The following LMO7 variants were observed in gnomAD, a reference collection of about 807,000 sequenced individuals.
The protein encoded by LMO7 is LIM domain 7, also known as LIM domain only protein 7.
In LMO7, 120 loss-of-function variants were observed where a neutral mutation model predicts 206.5. That is an observed-to-expected ratio of 0.58 (90% CI 0.50 to 0.68). The LOEUF is 0.68. Among genes scored for constraint, LMO7 ranks in the 30% least tolerant of loss-of-function variants. LMO7 has a pLI of 0.00. For synonymous variants in LMO7, 706 were observed against 681.5 expected (o/e 1.04, Z -0.56); for missense variants, 1,959 against 1,957.9 (o/e 1.00, Z -0.01).
At chr13:75,804,564 T>C (rs766424608) in intron 8 of LMO7, 23 bp downstream of exon 8, 1 of 1,603,872 alleles carries the variant, frequency 6.2e-7, no homozygotes, top group Non-Finnish European at 8.5e-7. Flanking sequence ...GTGTGATTAT[T>C]GAGTTTCGTA....
At chr13:75,768,558 A>G (rs2049203637) in intron 4 of LMO7, among the ~76,000 whole-genome samples, 1 of 152,060 alleles carries the variant, frequency 6.6e-6, no homozygotes, top group South Asian at 2.1e-4. Context: ...TTTCCTTAGA[A>G]AGTTTTATTT....
chr13:75,634,320 C>T (rs2035448685), upstream of LMO7, among the ~76,000 whole-genome samples: 1 of 151,908 alleles, frequency 6.6e-6, no homozygotes, highest in Non-Finnish European at 1.5e-5. Flanking sequence ...TGCCTGTAGT[C>T]GCAGCTACTT....
At chr13:75,702,472 G>A (rs1045581446) in intron 1 of LMO7, among the ~76,000 whole-genome samples, 2 of 152,182 alleles carry the variant, frequency 1.3e-5, no homozygotes, top group African/African-American at 2.4e-5. Context: ...CTGCGAGTTG[G>A]CTTTGGTTTT....
Position 75,772,692 on chromosome 13 carries a change from A to G in LMO7, c.317+11654A>G, listed in dbSNP as rs139204188. Among the ~76,000 whole-genome samples the G allele has an allele frequency of 4.6e-5, 7 of 152,240 alleles. No individual in the cohort carries two copies. The South Asian group carries it at 8.3e-4, about 18-fold the overall frequency. ...AAATGAAGGAATTCTTTTTTTTAAC[A>G]AAAGAAAAACATGTTAATGTGTATC... On this transcript the variant is annotated intron_variant, in intron 4 of 30. Coordinates refer to ENST00000377534, the MANE Select transcript of LMO7 (RefSeq NM_001306080.2).
chr13:75,838,122 T>C lies in LMO7; in HGVS notation c.3395-18T>C. 6.8e-7 allele frequency: 1 copy of C among 1,461,444 alleles called. No individual in the cohort carries two copies. The highest frequency in any genetic ancestry group is 1.7e-4 in the Middle Eastern group (1 of 5,726). 90.5% of individuals were successfully genotyped at this position (1,461,444 alleles called of 1,614,324 possible). On this transcript the variant is annotated intron_variant, in intron 19 of 30. Coordinates refer to ENST00000377534, the MANE Select transcript of LMO7 (RefSeq NM_001306080.2). The stretch of plus-strand genomic sequence containing the variant: ...AAATAAAAATGAATGACATAGTGTT[T>C]ATTTTTTTTTCAACTAGCATCTGAA...
At chr13:75,662,698 G>C (rs1594129610) in intron 1 of LMO7, among the ~76,000 whole-genome samples, 1 of 152,068 alleles carries the variant, frequency 6.6e-6, no homozygotes, top group Non-Finnish European at 1.5e-5. Context: ...TATTTAACCA[G>C]GATTATAATT....
intron 1 of LMO7, among the ~76,000 whole-genome samples, chr13:75,682,419 G>T (rs925671690): frequency 6.6e-6 from 1 of 152,128 alleles, no homozygotes; most frequent in Non-Finnish European, 1.5e-5. Flanking sequence ...TTGGTGGTTT[G>T]AAATTTTTAT....
At chr13:75,621,484 T>C in exon 1 of LMO7, 1 of 302,538 alleles carries the variant, frequency 3.3e-6, no homozygotes. Flanking sequence ...AAGAATGCTG[T>C]TTTTCTTTTT....
chr13:75,781,971 G>A (rs2051539909), intron 4 of LMO7, among the ~76,000 whole-genome samples: 1 of 152,080 alleles, frequency 6.6e-6, no homozygotes, highest in Non-Finnish European at 1.5e-5. Context: ...TTTTGATGGG[G>A]TTGTTTGTTT....
At chr13:75,787,340 C>T (rs1452473965) in intron 4 of LMO7, among the ~76,000 whole-genome samples, 1 of 152,190 alleles carries the variant, frequency 6.6e-6, no homozygotes, top group East Asian at 1.9e-4. Flanking sequence ...ATTAAACCCA[C>T]CTTTCGGCTC....
At chr13:75,768,181 C>T (rs2049148649) in intron 4 of LMO7, among the ~76,000 whole-genome samples, 1 of 152,052 alleles carries the variant, frequency 6.6e-6, no homozygotes, top group Admixed American at 6.6e-5. Flanking sequence ...TAAGAAGATA[C>T]ATGTCTCCTG....
intron 11 of LMO7, among the ~76,000 whole-genome samples, chr13:75,812,476 A>G (rs1423575251): frequency 6.6e-6 from 1 of 152,152 alleles, no homozygotes. Context: ...TTTGCCGTAT[A>G]AGGCTATCCA....
chr13:75,760,266 G>A (rs2048045590), intron 3 of LMO7: 1 of 695,010 alleles, frequency 1.4e-6, no homozygotes, highest in Non-Finnish European at 1.8e-6. Flanking sequence ...GAGGGGATAG[G>A]CTTTCATATT....
intron 2 of LMO7, among the ~76,000 whole-genome samples, chr13:75,724,173 A>G (rs1453248602): frequency 1.3e-5 from 2 of 152,146 alleles, no homozygotes; most frequent in African/African-American, 4.8e-5. Context: ...GATGAGCTGA[A>G]GGAGAAGGAG....
chr13:75,825,084 GT>G lies in LMO7; in HGVS notation c.2949+1220del, dbSNP rs773244777. Among the ~76,000 whole-genome samples, 16 of 149,842 alleles carry G rather than the reference GT, an allele frequency of 1.1e-4. No homozygotes were observed. The East Asian group carries it at 1.4e-3, about 13-fold the overall frequency. ...GTTAACATCTAGGTATATTTCTTTT[GT>G]TTTTTTTTCCCATGCATATTTACAT... On this transcript the variant is annotated intron_variant, in intron 15 of 30. Coordinates refer to ENST00000377534, the MANE Select transcript of LMO7 (RefSeq NM_001306080.2).
At chr13:75,842,400 A>G (rs1163211914) in intron 24 of LMO7, among the ~76,000 whole-genome samples, 1 of 152,010 alleles carries the variant, frequency 6.6e-6, no homozygotes, top group African/African-American at 2.4e-5. Context: ...ATTTTCTTCT[A>G]GTTTCTGCTC....
chr13:75,771,314 T>A (rs77453369), intron 4 of LMO7, among the ~76,000 whole-genome samples: 1 of 152,076 alleles, frequency 6.6e-6, no homozygotes, highest in Non-Finnish European at 1.5e-5. Context: ...AACTGGCTAG[T>A]TGAGAAATAA....
At chr13:75,738,190 T>C (rs2046110522) in intron 3 of LMO7, among the ~76,000 whole-genome samples, 2 of 152,234 alleles carry the variant, frequency 1.3e-5, no homozygotes, top group South Asian at 4.1e-4. Context: ...GTGTAAGGGT[T>C]TAAGCTGAGT....
chr13:75,683,351 G>C (rs2040713718), intron 1 of LMO7, among the ~76,000 whole-genome samples: 1 of 152,008 alleles, frequency 6.6e-6, no homozygotes, highest in South Asian at 2.1e-4. Context: ...TTATAGATTT[G>C]GATATTGCAA....
Sources: allele counts gnomAD v4.1 joint callset (sites outside exome capture counted in the v4.1 genomes callset), GRCh38; gene constraint gnomAD v4.1.1; transcripts MANE v1.5; gene names NCBI Gene and HGNC (gene_info 2026-07-23, HGNC 2026-07-21).